The following CCP110 variants were observed in gnomAD, a reference collection of about 807,000 sequenced individuals.
CCP110 encodes the protein centriolar coiled-coil protein 110.
A neutral mutation model predicts 105.5 loss-of-function variants in CCP110; 43 were observed. The ratio of observed to expected loss-of-function variants is 0.41; its 90% CI spans 0.32 to 0.53. CCP110 has a LOEUF of 0.53. Ranked by LOEUF, CCP110 falls within the 20% of genes least tolerant of loss-of-function variation. The pLI, the probability that CCP110 is intolerant of heterozygous loss-of-function variation, is 0.32. For missense variants in CCP110, 1,016 were observed against 1,189.1 expected, an observed-to-expected ratio of 0.85 and a Z score of 2.14; for synonymous variants, 353 against 392.1, an observed-to-expected ratio of 0.90 and a Z score of 1.18.
At chr16:19,552,657 A>G (rs1452280422) in exon 15 of CCP110, 3 of 152,164 alleles carry the variant, frequency 2.0e-5, no homozygotes, top group Non-Finnish European at 2.9e-5. Flanking sequence ...CATAAAATTG[A>G]GACAGTGTAT....
rs1970531102 is a variant in CCP110, at chr16:19,548,417, G to T, written c.2901-98G>T. On this transcript the variant is annotated intron_variant, in intron 13 of 14. Coordinates refer to ENST00000381396, the Ensembl canonical transcript of CCP110. The surrounding 1 kb of genome is among the most constrained non-coding windows in gnomAD (Gnocchi z 4.1). ...ACTTCAGTTCTTTTCAAGCTTATTT[G>T]TGCTTTGGACAGTTGATGCAATGTG... 1 of 756,484 alleles carries T rather than the reference G, an allele frequency of 1.3e-6. No individual in the cohort carries two copies. The highest frequency in any genetic ancestry group is 2.1e-6 in the Non-Finnish European group (1 of 468,610). 46.9% of individuals were successfully genotyped at this position (756,484 alleles called of 1,614,324 possible).
intron 2 of CCP110, among the ~76,000 whole-genome samples, chr16:19,530,065 C>T (rs1334618516): frequency 2.0e-5 from 3 of 151,704 alleles, no homozygotes; most frequent in South Asian, 2.1e-4. Context: ...GGTGTGGTGG[C>T]GCGCACCAGG....
chr16:19,537,311 A>G, exon 4 of CCP110: 1 of 1,614,222 alleles, frequency 6.2e-7, no homozygotes, highest in South Asian at 1.1e-5. Context: ...TTATGATGTA[A>G]AAAACCCTTC....
At chr16:19,527,892 A>G (rs1969728144) in exon 2 of CCP110, 2 of 1,613,354 alleles carry the variant, frequency 1.2e-6, no homozygotes, top group Non-Finnish European at 1.7e-6. Context: ...ATGGAGGAGT[A>G]TGAGAAGTTC....
intron 1 of CCP110, among the ~76,000 whole-genome samples, chr16:19,524,520 CCT>C (rs962069500): frequency 2.0e-5 from 3 of 152,170 alleles, no homozygotes; most frequent in African/African-American, 4.8e-5. Context: ...TTTATGAGCC[CCT>C]GTTTCCACAA....
intron 4 of CCP110, among the ~76,000 whole-genome samples, chr16:19,538,937 C>T (rs968319443): frequency 2.6e-5 from 4 of 151,774 alleles, no homozygotes; most frequent in African/African-American, 9.7e-5. Context: ...CATGGCGAAA[C>T]CCCGTCTCTA....
At chr16:19,530,818 A>G (rs772686088) in intron 2 of CCP110, among the ~76,000 whole-genome samples, 1 of 150,656 alleles carries the variant, frequency 6.6e-6, no homozygotes, top group Non-Finnish European at 1.5e-5. Flanking sequence ...GCTAGGCATG[A>G]TGGTGGGTGC....
intron 1 of CCP110, chr16:19,526,722 A>T (rs1362062785): frequency 2.0e-5 from 3 of 151,526 alleles, no homozygotes; most frequent in African/African-American, 4.9e-5. Flanking sequence ...TTTGTCCCTG[A>T]TACTTTGGTG....
intron 11 of CCP110, 117 bp downstream of exon 11, chr16:19,546,007 G>T: frequency 1.6e-6 from 1 of 624,852 alleles, no homozygotes; most frequent in East Asian, 2.7e-5. Context: ...CAGTTGAGCT[G>T]ATAGAAATCC....
At chr16:19,537,823 C>G (rs1970130319) in intron 4 of CCP110, among the ~76,000 whole-genome samples, 2 of 152,132 alleles carry the variant, frequency 1.3e-5, no homozygotes, top group Admixed American at 6.6e-5. Context: ...AGTGGCATGA[C>G]TTCAGCTCAC....
At chr16:19,536,871 C>G in exon 4 of CCP110, 1 of 1,614,020 alleles carries the variant, frequency 6.2e-7, no homozygotes. Flanking sequence ...GAATTAAGCC[C>G]TAAAGGAAAA....
Position 19,524,043 on chromosome 16 carries a change from G to T in CCP110, c.-61G>T. 6.5e-6 allele frequency: 1 copy of T among 153,894 alleles called. No homozygotes were observed. 9.5% of individuals were successfully genotyped at this position (153,894 alleles called of 1,614,324 possible). ...ATTTGAGCCATTCGCTTCCTGACAA[G>T]GCCCGTGGCGAGGGGAGAGGAGCTG... On this transcript the variant is annotated 5_prime_UTR_variant, in exon 1 of 15. In the 5' UTR this introduces an upstream ATG that the reference lacks. Coordinates refer to ENST00000381396, the Ensembl canonical transcript of CCP110.
intron 14 of CCP110, among the ~76,000 whole-genome samples, chr16:19,550,101 T>TGCA (rs1229897387): frequency 1.4e-4 from 21 of 152,302 alleles, no homozygotes; most frequent in Non-Finnish European, 2.9e-4. Flanking sequence ...TTCTAAAGAT[T>TGCA]TACTTATACA....
chr16:19,543,637 T>C (rs1041290730), intron 8 of CCP110, among the ~76,000 whole-genome samples: 1 of 152,180 alleles, frequency 6.6e-6, no homozygotes, highest in African/African-American at 2.4e-5. Flanking sequence ...AGGGAAGATA[T>C]TGCTAAATTC....
intron 9 of CCP110, 44 bp downstream of exon 9, chr16:19,544,942 A>G (rs1258114067): frequency 8.3e-6 from 9 of 1,080,370 alleles, no homozygotes; most frequent in Admixed American, 6.5e-5. Context: ...TGGACATATT[A>G]TATTTCTCCT....
intron 12 of CCP110, 59 bp from the exon 13 acceptor site, chr16:19,547,896 A>T: frequency 8.1e-7 from 1 of 1,233,296 alleles, no homozygotes; most frequent in Non-Finnish European, 1.2e-6. Flanking sequence ...CGTTGAAAGA[A>T]AATGGGAAAA....
chr16:19,524,287 A>C (rs1808857411), intron 1 of CCP110, among the ~76,000 whole-genome samples, 199 bp downstream of exon 1: 1 of 152,088 alleles, frequency 6.6e-6, no homozygotes, highest in Non-Finnish European at 1.5e-5. Flanking sequence ...TGATGCTCCG[A>C]TGCTGGCCCC....
chr16:19,535,896 T>C (rs1160907207), intron 3 of CCP110, 44 bp from the exon 4 acceptor site: 2 of 1,282,922 alleles, frequency 1.6e-6, no homozygotes, highest in Non-Finnish European at 2.1e-6. Flanking sequence ...TCAGAGACTT[T>C]TTGTGCAATG....
intron 12 of CCP110, chr16:19,547,677 CATATGT>C: frequency 3.7e-6 from 1 of 273,814 alleles, no homozygotes; most frequent in Non-Finnish European, 6.8e-6. Flanking sequence ...TTTTGTAAAG[CATATGT>C]ATAAGAAAAT....
Sources: gnomAD v4.1 joint callset for allele counts (sites outside exome capture counted in the v4.1 genomes callset) on GRCh38, gnomAD v4.1.1 for gene constraint, Gnocchi (gnomAD v3.1) non-coding constraint, MANE v1.5 for transcripts, NCBI Gene and HGNC (gene_info 2026-07-23, HGNC 2026-07-21) for gene names.